Variants in OPCML observed in about 807,000 individuals in gnomAD.
OPCML encodes opioid-binding protein/cell adhesion molecule.
A neutral mutation model predicts 37.8 loss-of-function variants in OPCML; 13 were observed. The observed-to-expected ratio is 0.34, with a 90% confidence interval of 0.22 to 0.55. OPCML has a LOEUF of 0.55. Among genes scored for constraint, OPCML ranks in the 20% least tolerant of loss-of-function variants. The pLI, the probability that OPCML is intolerant of heterozygous loss-of-function variation, is 0.91. For missense variants in OPCML, 341 were observed against 435.6 expected, an observed-to-expected ratio of 0.78 and a Z score of 1.93; for synonymous variants, 176 against 168.8, an observed-to-expected ratio of 1.04 and a Z score of -0.33.
intron 1 of OPCML, among the ~76,000 whole-genome samples, chr11:133,094,559 A>G (rs2137058844): frequency 6.6e-6 from 1 of 152,306 alleles, no homozygotes; most frequent in South Asian, 2.1e-4. Context: ...ATTTGCTCAG[A>G]AGCATTTTTT....
intron 4 of OPCML, among the ~76,000 whole-genome samples, chr11:132,438,071 G>A (rs2096019178): frequency 6.6e-6 from 1 of 152,210 alleles, no homozygotes; most frequent in Non-Finnish European, 1.5e-5. Flanking sequence ...GAGCTCCCTG[G>A]AGGATTCATT....
At chr11:133,455,125 A>T (rs1408863116) in intron 1 of OPCML, among the ~76,000 whole-genome samples, 1 of 152,140 alleles carries the variant, frequency 6.6e-6, no homozygotes, top group African/African-American at 2.4e-5. Context: ...TCCTTCACCA[A>T]CCCGAAAATC....
At position 132,924,140 on chromosome 11, in the gene OPCML, TG is replaced by T. The variant is rs775093656; in HGVS notation, c.146+18785del. Among the ~76,000 whole-genome samples, 134 of 151,628 alleles carry T rather than the reference TG, an allele frequency of 8.8e-4. 1 individual carries two copies. Among genetic ancestry groups the T allele is most frequent in the Middle Eastern group, 6.8e-3 (2 of 294 alleles). ...GGAAAAAAAACTATGTGTGTGTGTG[TG>T]TGTGTGTGTATGTGAAGAGGGACAG... is the stretch of plus-strand genomic sequence containing the variant. On this transcript the variant is annotated intron_variant, in intron 2 of 7. Coordinates refer to ENST00000524381, the MANE Select transcript of OPCML (RefSeq NM_001012393.5).
At chr11:133,030,855 TC>T (rs1407348575) in intron 1 of OPCML, among the ~76,000 whole-genome samples, 17 of 152,196 alleles carry the variant, frequency 1.1e-4, no homozygotes, top group African/African-American at 4.1e-4. Flanking sequence ...AAGCATTCCA[TC>T]GTCCTTTGCA....
intron 4 of OPCML, among the ~76,000 whole-genome samples, chr11:132,472,909 A>AGAAGAGC: frequency 6.6e-6 from 1 of 152,330 alleles, no homozygotes; most frequent in South Asian, 2.1e-4. Flanking sequence ...GTATGCTCTG[A>AGAAGAGC]ATGTTAACCC....
chr11:133,465,928 G>A (rs1463751332), intron 1 of OPCML, among the ~76,000 whole-genome samples: 3 of 152,150 alleles, frequency 2.0e-5, no homozygotes, highest in East Asian at 3.8e-4. Flanking sequence ...AAGCATAAAT[G>A]TTTCTAAAGA....
intron 4 of OPCML, among the ~76,000 whole-genome samples, chr11:132,456,645 T>C (rs2096083657): frequency 6.6e-6 from 1 of 152,188 alleles, no homozygotes; most frequent in Non-Finnish European, 1.5e-5. Flanking sequence ...CTCTCTTCCA[T>C]GAAGAATCAA....
chr11:133,531,773 A>AGAG (rs1948610438), intron 1 of OPCML, among the ~76,000 whole-genome samples: 2 of 140,660 alleles, frequency 1.4e-5, no homozygotes, highest in South Asian at 2.4e-4. Context: ...GAGAGAGAGA[A>AGAG]AAGAAACAGA....
At chr11:132,879,714 G>A (rs573402068) in intron 2 of OPCML, among the ~76,000 whole-genome samples, 24 of 152,246 alleles carry the variant, frequency 1.6e-4, no homozygotes, top group South Asian at 2.1e-4. Context: ...CTCAGCAAGC[G>A]CATAATGAAT....
intron 1 of OPCML, among the ~76,000 whole-genome samples, chr11:133,244,800 C>T (rs760600657): frequency 1.1e-4 from 16 of 152,206 alleles, no homozygotes; most frequent in Admixed American, 4.6e-4. Flanking sequence ...AGCCATGCCT[C>T]CTGTACAGCT....
intron 4 of OPCML, among the ~76,000 whole-genome samples, chr11:132,495,443 T>C (rs1405020598): frequency 1.3e-5 from 2 of 152,212 alleles, no homozygotes; most frequent in African/African-American, 4.8e-5. Context: ...ATCCAAGAAC[T>C]ACATCAAATT....
chr11:133,369,935 C>G (rs956522456), intron 1 of OPCML, among the ~76,000 whole-genome samples: 3 of 152,082 alleles, frequency 2.0e-5, no homozygotes, highest in Non-Finnish European at 2.9e-5. Flanking sequence ...AATGTTATAA[C>G]TTGGGGGATG....
chr11:133,096,659 A>G (rs545393848), intron 1 of OPCML, among the ~76,000 whole-genome samples: 1 of 152,194 alleles, frequency 6.6e-6, no homozygotes, highest in Non-Finnish European at 1.5e-5. Context: ...TAAATATTAT[A>G]TAGATAAAAA....
chr11:132,885,368 A>T (rs1943370631), intron 2 of OPCML, among the ~76,000 whole-genome samples: 1 of 152,182 alleles, frequency 6.6e-6, no homozygotes, highest in Non-Finnish European at 1.5e-5. Context: ...TGGGTGACTG[A>T]GTTAATTTCT....
intron 1 of OPCML, among the ~76,000 whole-genome samples, chr11:132,980,873 G>A (rs921635483): frequency 6.6e-6 from 1 of 152,226 alleles, no homozygotes; most frequent in Non-Finnish European, 1.5e-5. Context: ...AGCACATACA[G>A]TCCCGTGTCA....
At chr11:132,904,113 G>A (rs1203354664) in intron 2 of OPCML, among the ~76,000 whole-genome samples, 8 of 152,184 alleles carry the variant, frequency 5.3e-5, no homozygotes, top group Admixed American at 5.2e-4. Context: ...TGGGGGAAAA[G>A]GGGAGAGGAG....
chr11:133,016,433 CA>C (rs1161050788), intron 1 of OPCML, among the ~76,000 whole-genome samples: 2 of 152,178 alleles, frequency 1.3e-5, no homozygotes, highest in African/African-American at 4.8e-5. Flanking sequence ...TCAAAGCCAG[CA>C]AAGGCCTGTC....
intron 1 of OPCML, among the ~76,000 whole-genome samples, chr11:133,148,832 A>G (rs1172852567): frequency 6.6e-6 from 1 of 152,162 alleles, no homozygotes; most frequent in Non-Finnish European, 1.5e-5. Flanking sequence ...GGCACTCAGG[A>G]AGCTGCCTTA....
chr11:132,624,684 C>A (rs1217825791), intron 3 of OPCML, among the ~76,000 whole-genome samples: 2 of 152,130 alleles, frequency 1.3e-5, no homozygotes, highest in Non-Finnish European at 2.9e-5. Context: ...ATCATAGTTT[C>A]TAGTCGTAAC....
Sources: allele counts gnomAD v4.1 joint callset (sites outside exome capture counted in the v4.1 genomes callset), GRCh38; gene constraint gnomAD v4.1.1; transcripts MANE v1.5; gene names NCBI Gene and HGNC (gene_info 2026-07-23, HGNC 2026-07-21).